Variants in VRK3 observed in about 807,000 individuals in gnomAD.
The protein encoded by VRK3 is VRK serine/threonine kinase 3.
A neutral mutation model predicts 60.4 loss-of-function variants in VRK3; 50 were observed. The ratio of observed to expected loss-of-function variants is 0.83; its 90% CI spans 0.66 to 1.05. The LOEUF (loss-of-function observed/expected upper bound fraction) is 1.05, where lower values mean the gene tolerates loss of function less well. Ranked by LOEUF, VRK3 falls within the 50% of genes least tolerant of loss-of-function variation. The probability of loss-of-function intolerance (pLI) is 0.00; values close to 1 mark genes in which losing one functional copy is unlikely to be tolerated. For missense variants in VRK3, 549 were observed against 585.3 expected, an observed-to-expected ratio of 0.94 and a Z score of 0.64; for synonymous variants, 246 against 227.8, an observed-to-expected ratio of 1.08 and a Z score of -0.72.
Position 49,995,199 on chromosome 19 carries a change from G to T in VRK3, c.756C>A (p.Asp252Glu). 1 of 1,614,138 alleles carries T rather than the reference G, an allele frequency of 6.2e-7. No homozygotes were observed. Among genetic ancestry groups the T allele is most frequent in the Middle Eastern group, 1.6e-4 (1 of 6,062 alleles). ...TGAGCAGAGCAGCTCACCTGTATTT[G>T]TCCTGGTGAACACCGAAACCCATGC... ...PTCMGFGVHQ[D>E]KYRFLVLPSL... is the part of the protein sequence containing the mutation. The change falls in exon 8 of 15, where the codon GAC becomes GAA. Residue 252 changes from aspartate to glutamate, a missense_variant. Physicochemically the swap from Asp to Glu is conservative, Grantham distance 45. Coordinates refer to ENST00000316763, the MANE Select transcript of VRK3 (RefSeq NM_016440.4).
Position 49,980,937 on chromosome 19 carries a change from G to T in VRK3, c.1276+18C>A. The T allele has an allele frequency of 6.2e-7, 1 of 1,603,198 alleles. No individual in the cohort carries two copies. The highest frequency in any genetic ancestry group is 1.3e-5 in the African/African-American group (1 of 74,668). ...CCTGCCCGAGTCCCCGCCTGTTCCCGCTCCCTTCAGGACGTACCTGAGGGC... is the reference window on the plus strand; with the variant it reads ...CCTGCCCGAGTCCCCGCCTGTTCCCTCTCCCTTCAGGACGTACCTGAGGGC... On this transcript the variant is annotated intron_variant, in intron 13 of 14. Coordinates refer to ENST00000316763, the MANE Select transcript of VRK3 (RefSeq NM_016440.4).
At chr19:50,006,217 G>A (rs928906284) in intron 5 of VRK3, among the ~76,000 whole-genome samples, 17 of 151,524 alleles carry the variant, frequency 1.1e-4, no homozygotes, top group Non-Finnish European at 1.6e-4. Context: ...GGCTGAGGCA[G>A]GAGAATCGCT....
intron 14 of VRK3, among the ~76,000 whole-genome samples, chr19:49,977,262 C>A (rs549134961): frequency 6.6e-6 from 1 of 152,054 alleles, no homozygotes; most frequent in African/African-American, 2.4e-5. Context: ...AGCTCGGCCT[C>A]GGGCCAAGGC....
chr19:49,979,771 C>T (rs1392984223), intron 13 of VRK3, among the ~76,000 whole-genome samples: 3 of 152,004 alleles, frequency 2.0e-5, no homozygotes, highest in Non-Finnish European at 4.4e-5. Context: ...CAGCCGGGCG[C>T]GGTGGCTCAC....
intron 4 of VRK3, among the ~76,000 whole-genome samples, chr19:50,008,457 G>A (rs550100849): frequency 6.6e-6 from 1 of 152,198 alleles, no homozygotes; most frequent in Non-Finnish European, 1.5e-5. Flanking sequence ...TCTGGGCCCA[G>A]AGGATAATGA....
rs1408679296 is a variant in VRK3, at chr19:50,007,823, G to A, written c.293C>T (p.Ser98Phe). ...TLSSSERSKG[S>F]GSRPPTPKSS... ...TTTGGGGGTTGGGGGTCTGCTCCCG[G>A]AGCCTGCAGGAGGATGTAAGAATAA... Residue 98 changes from serine (S) to phenylalanine (F), a missense_variant, in exon 5 of 15, where the codon TCC (serine) becomes TTC (phenylalanine). Coordinates refer to ENST00000316763, the MANE Select transcript of VRK3 (RefSeq NM_016440.4). The A allele has an allele frequency of 6.2e-7, 1 of 1,614,142 alleles. No individual in the cohort carries two copies. Among genetic ancestry groups the A allele is most frequent in the East Asian group, 2.2e-5 (1 of 44,886 alleles).
At chr19:49,992,289 C>T (rs1455580879) in intron 10 of VRK3, among the ~76,000 whole-genome samples, 1 of 152,222 alleles carries the variant, frequency 6.6e-6, no homozygotes, top group African/African-American at 2.4e-5. Context: ...TGCCTGTAAT[C>T]CCAGCTACTC....
intron 13 of VRK3, among the ~76,000 whole-genome samples, chr19:49,979,769 C>T (rs1325569571): frequency 3.9e-5 from 6 of 152,030 alleles, no homozygotes; most frequent in African/African-American, 7.3e-5. Context: ...TTCAGCCGGG[C>T]GCGGTGGCTC....
chr19:49,991,519 A>C (rs116810754), intron 10 of VRK3, among the ~76,000 whole-genome samples: 3 of 137,162 alleles, frequency 2.2e-5, no homozygotes, highest in African/African-American at 1.1e-4. Flanking sequence ...ATAAATCTCT[A>C]CACACACACA....
intron 1 of VRK3, among the ~76,000 whole-genome samples, chr19:50,023,087 C>T (rs56821693): frequency 2.0e-5 from 3 of 152,182 alleles, no homozygotes; most frequent in Non-Finnish European, 2.9e-5. Flanking sequence ...CGCTGTCCCC[C>T]TAAGAGTGCA....
At chr19:49,977,595 C>A (rs149197530) in intron 14 of VRK3, among the ~76,000 whole-genome samples, 3 of 152,204 alleles carry the variant, frequency 2.0e-5, no homozygotes, top group East Asian at 3.9e-4. Context: ...TCAGACGCGA[C>A]CCTGCCCTGG....
At chr19:49,988,526 T>C (rs1340659571) in intron 11 of VRK3, 34 bp from the exon 12 acceptor site, 1 of 1,605,168 alleles carries the variant, frequency 6.2e-7, no homozygotes, top group East Asian at 2.2e-5. Context: ...GCAGCTCAAG[T>C]CTGGACGCTC....
chr19:50,023,754 G>A (rs767450244), intron 1 of VRK3, among the ~76,000 whole-genome samples: 9 of 151,918 alleles, frequency 5.9e-5, no homozygotes, highest in Non-Finnish European at 1.2e-4. Flanking sequence ...GGGGTCCCCA[G>A]CTGTGTCAGT....
Position 49,979,203 on chromosome 19 carries a change from G to A in VRK3, c.1316C>T (p.Thr439Met), listed in dbSNP as rs200032482. 1.1e-5 allele frequency: 18 copies of A among 1,613,938 alleles called. No homozygotes were observed. In the East Asian group the frequency reaches 2.2e-4, roughly 20 times the overall value. Residue 439 changes from threonine to methionine, a missense_variant, in exon 14 of 15, where the codon ACG (threonine) becomes ATG (methionine). Physicochemically the swap from Thr to Met is moderately conservative, Grantham distance 81. Transcript: ENST00000316763. ...QKYLKVVMAL[T>M]YEEKPPYAML... ...GGCGTAGGGCGGCTTCTCCTCATAC[G>A]TGAGGGCCATCACCACCTTCAGGTA...
rs768493926 is a variant in VRK3 at position 49,997,528 on chromosome 19, G to A, written c.655C>T (p.Gln219Ter). ...GRLFNEQNFF[Q>*]RAAKPLQVNK... ...CCTTGCAGAGGCTTGGCGGCCCGCT[G>A]GAAGAAGTTCTGCTCATTGAACAAG... is the stretch of plus-strand genomic sequence containing the variant. Residue 219 changes from glutamine to a stop codon, truncating the protein, a stop_gained, in exon 7 of 15, where the codon CAG (glutamine) becomes TAG (stop). Coordinates refer to ENST00000316763, the MANE Select transcript of VRK3 (RefSeq NM_016440.4). LOFTEE classifies it high-confidence loss of function. The A allele has an allele frequency of 8.1e-6, 13 of 1,613,834 alleles. No individual in the cohort carries two copies. Among genetic ancestry groups the A allele is most frequent in the Non-Finnish European group, 8.5e-6 (10 of 1,179,918 alleles).
chr19:49,977,693 G>A (rs1385669661), intron 14 of VRK3, among the ~76,000 whole-genome samples: 1 of 152,180 alleles, frequency 6.6e-6, no homozygotes, highest in Non-Finnish European at 1.5e-5. Context: ...GCTGCTGGGG[G>A]AGCAAGGGTG....
rs557517243 is a variant in VRK3, at chr19:49,981,729, C to A, written c.1218-716G>T. The A allele has an allele frequency of 7.0e-6, 7 of 1,005,598 alleles. No individual in the cohort carries two copies. The South Asian group carries it at 1.8e-4, about 26-fold the overall frequency. The allele number at this position is 1,005,598 out of a possible 1,614,324, so 62.3% of individuals were successfully genotyped here. On this transcript the variant is annotated intron_variant, in intron 12 of 14. Coordinates refer to ENST00000316763, the MANE Select transcript of VRK3 (RefSeq NM_016440.4). ...ATGGAAATAAAGATTTTATTACTTACAGGTCCTGGGGGCACACCGCACACC... is the reference window on the plus strand; with the variant it reads ...ATGGAAATAAAGATTTTATTACTTAAAGGTCCTGGGGGCACACCGCACACC...
intron 12 of VRK3, chr19:49,981,219 C>T: frequency 5.0e-6 from 3 of 605,598 alleles, no homozygotes; most frequent in South Asian, 3.9e-5. Flanking sequence ...CTGCTTCCTG[C>T]AAGCCTCTGG....
In VRK3 at chr19:50,023,699, ATT is replaced by A. The variant is rs1056467827; in HGVS notation, c.-65+1566_-65+1567del. Among the ~76,000 whole-genome samples, 6 of 150,662 alleles carry A rather than the reference ATT, an allele frequency of 4.0e-5. 1 individual carries two copies. The highest frequency in any genetic ancestry group is 1.5e-4 in the African/African-American group (6 of 40,866). Reference sequence around the variant, plus strand: ...TCTACGTCTGCTGAGTGAATAAATCATTGTCTCCTTTGCAAAAGAAAATGTGC... The same window carrying A: ...TCTACGTCTGCTGAGTGAATAAATCAGTCTCCTTTGCAAAAGAAAATGTGC... On this transcript the variant is annotated intron_variant, in intron 1 of 14. Transcript: ENST00000316763.
Sources: gnomAD v4.1 joint callset for allele counts (sites outside exome capture counted in the v4.1 genomes callset) on GRCh38, gnomAD v4.1.1 for gene constraint, MANE v1.5 for transcripts, NCBI Gene and HGNC (gene_info 2026-07-23, HGNC 2026-07-21) for gene names.